NPAS2: variants seen among roughly 807,000 people sequenced by gnomAD.
NPAS2 encodes the protein neuronal PAS domain-containing protein 2.
NPAS2 carries 23 observed loss-of-function variants against 107.5 expected under a neutral mutation model. The ratio of observed to expected loss-of-function variants is 0.21; its 90% CI spans 0.15 to 0.30. The LOEUF is 0.30. Ranked by LOEUF, NPAS2 falls within the 10% of genes least tolerant of loss-of-function variation. The pLI is 1.00. For missense variants in NPAS2, 756 were observed against 1,043.3 expected (o/e 0.72, Z 3.79); for synonymous variants, 403 against 417.5 (o/e 0.97, Z 0.42).
At chr2:100,855,679 T>C (rs1678510069) in intron 1 of NPAS2, among the ~76,000 whole-genome samples, 1 of 152,186 alleles carries the variant, frequency 6.6e-6, no homozygotes, top group African/African-American at 2.4e-5. Flanking sequence ...TGTCCTTCCA[T>C]CCATTCTTTT....
chr2:100,901,215 CAAAT>C (rs764814558), intron 1 of NPAS2, among the ~76,000 whole-genome samples: 4 of 152,044 alleles, frequency 2.6e-5, no homozygotes, highest in Non-Finnish European at 4.4e-5. Flanking sequence ...AACGATAAAA[CAAAT>C]AAATAAGACT....
chr2:100,898,075 T>C (rs1681529021), intron 1 of NPAS2, among the ~76,000 whole-genome samples: 1 of 152,102 alleles, frequency 6.6e-6, no homozygotes, highest in Non-Finnish European at 1.5e-5. Flanking sequence ...CAAAATCGCA[T>C]CAAGCTATCA....
chr2:100,878,061 T>C (rs1020206532), intron 1 of NPAS2: 1 of 985,204 alleles, frequency 1.0e-6, no homozygotes, highest in African/African-American at 1.7e-5. Flanking sequence ...CCTGCCGTGA[T>C]TGCAAAAAGT....
chr2:100,841,138 C>G (rs1677369487), intron 1 of NPAS2, among the ~76,000 whole-genome samples: 1 of 152,182 alleles, frequency 6.6e-6, no homozygotes, highest in African/African-American at 2.4e-5. Flanking sequence ...TTACTTGTTA[C>G]TGTTCAATTT....
intron 7 of NPAS2, among the ~76,000 whole-genome samples, chr2:100,953,079 G>A (rs4851387): frequency 0.39 from 54,922 of 139,450 alleles, 12,115 homozygotes; most frequent in Middle Eastern, 0.52. Flanking sequence ...AATTTCTCAG[G>A]TTAAACCCTA....
At chr2:100,826,365 CA>C (rs1249327951) in intron 1 of NPAS2, among the ~76,000 whole-genome samples, 1 of 152,254 alleles carries the variant, frequency 6.6e-6, no homozygotes, top group African/African-American at 2.4e-5. Context: ...TCACTTGAAC[CA>C]GCGAGTCGGA....
At chr2:100,933,809 C>T (rs1019020363) in intron 4 of NPAS2, among the ~76,000 whole-genome samples, 1 of 152,166 alleles carries the variant, frequency 6.6e-6, no homozygotes, top group Non-Finnish European at 1.5e-5. Context: ...TATCCACGCC[C>T]GCAACCAAGA....
At chr2:100,957,359 G>A (rs780432342) in intron 7 of NPAS2, among the ~76,000 whole-genome samples, 2 of 152,206 alleles carry the variant, frequency 1.3e-5, no homozygotes, top group Non-Finnish European at 2.9e-5. Flanking sequence ...CACTGGCATG[G>A]ACCACTGGTA....
chr2:100,927,319 C>A (rs1683645830), intron 3 of NPAS2, among the ~76,000 whole-genome samples: 2 of 152,172 alleles, frequency 1.3e-5, no homozygotes, highest in African/African-American at 4.8e-5. Context: ...GTAAGGTGGG[C>A]TATGAAAATT....
chr2:100,959,342 T>C (rs557851804), intron 7 of NPAS2, among the ~76,000 whole-genome samples: 98 of 152,182 alleles, frequency 6.4e-4, no homozygotes, highest in African/African-American at 2.0e-3. Flanking sequence ...ATTGCTCTTC[T>C]CTATGCAAAA....
intron 1 of NPAS2, among the ~76,000 whole-genome samples, chr2:100,866,634 A>G (rs985296559): frequency 2.0e-5 from 3 of 152,226 alleles, no homozygotes; most frequent in Admixed American, 1.3e-4. Flanking sequence ...GGAAAGGCAA[A>G]GAACATCTAG....
chr2:100,975,583 CA>C lies in NPAS2; in HGVS notation c.1392+19del, dbSNP rs1403766023. ...CACCATGCCGGTAAGTGTGTGACCC[CA>C]AACTCCTCCACGGGTGTACGCTACA... is the stretch of plus-strand genomic sequence containing the variant. On this transcript the variant is annotated intron_variant, in intron 14 of 20. Transcript: ENST00000335681. 1 of 1,580,970 alleles carries C rather than the reference CA, an allele frequency of 6.3e-7. No individual in the cohort carries two copies. Among genetic ancestry groups the C allele is most frequent in the Non-Finnish European group, 8.7e-7 (1 of 1,154,688 alleles).
At chr2:100,902,621 A>G (rs901144489) in intron 1 of NPAS2, among the ~76,000 whole-genome samples, 1 of 152,184 alleles carries the variant, frequency 6.6e-6, no homozygotes, top group African/African-American at 2.4e-5. Context: ...AGAGATCTGG[A>G]ATGGATGGTG....
At chr2:100,835,197 G>C (rs1195326841) in intron 1 of NPAS2, among the ~76,000 whole-genome samples, 4 of 152,156 alleles carry the variant, frequency 2.6e-5, no homozygotes, top group African/African-American at 4.8e-5. Context: ...ACAGGCCACC[G>C]GGGCGCAGAT....
At chr2:100,868,430 T>C (rs1397056292) in intron 1 of NPAS2, among the ~76,000 whole-genome samples, 1 of 152,192 alleles carries the variant, frequency 6.6e-6, no homozygotes, top group Non-Finnish European at 1.5e-5. Context: ...TCCCTTGACT[T>C]TGGTAATCTG....
At chr2:100,942,654 G>A (rs1194251850) in intron 5 of NPAS2, among the ~76,000 whole-genome samples, 1 of 152,096 alleles carries the variant, frequency 6.6e-6, no homozygotes, top group African/African-American at 2.4e-5. Context: ...ACATGGCTGG[G>A]ACCACAGAAG....
chr2:100,969,018 A>G (rs1039440146), intron 11 of NPAS2, among the ~76,000 whole-genome samples: 2 of 152,076 alleles, frequency 1.3e-5, no homozygotes, highest in African/African-American at 4.8e-5. Flanking sequence ...GGTTTCATAG[A>G]TGCTGCCTTT....
At chr2:100,988,344 T>C in intron 17 of NPAS2, 68 bp downstream of exon 17, 1 of 1,381,186 alleles carries the variant, frequency 7.2e-7, no homozygotes, top group Non-Finnish European at 1.0e-6. Context: ...GTTTGGGACA[T>C]ACTTGATTCC....
chr2:100,954,691 A>G (rs2105088290), intron 7 of NPAS2, among the ~76,000 whole-genome samples: 1 of 150,462 alleles, frequency 6.6e-6, no homozygotes, highest in South Asian at 2.1e-4. Flanking sequence ...GAAAAAAAAG[A>G]AAAGAAAAAA....
Sources: allele counts gnomAD v4.1 joint callset (sites outside exome capture counted in the v4.1 genomes callset), GRCh38; gene constraint gnomAD v4.1.1; transcripts MANE v1.5; gene names NCBI Gene and HGNC (gene_info 2026-07-23, HGNC 2026-07-21).